The following LPIN2 variants were observed in gnomAD, a reference collection of about 807,000 sequenced individuals.
LPIN2 encodes the protein phosphatidate phosphatase LPIN2.
In LPIN2, 55 loss-of-function variants were observed where a neutral mutation model predicts 111.4. The observed-to-expected ratio is 0.49, with a 90% CI of 0.40 to 0.62. LPIN2 has a LOEUF of 0.62. LPIN2 is among the 20% of genes least tolerant of loss of function. LPIN2 has a pLI of 0.00. For synonymous variants in LPIN2, 425 were observed against 414.0 expected (o/e 1.03, Z -0.32); for missense variants, 992 against 1,112.1 (o/e 0.89, Z 1.54).
intron 2 of LPIN2, among the ~76,000 whole-genome samples, chr18:2,958,277 A>T (rs568886973): frequency 6.6e-6 from 1 of 151,774 alleles, no homozygotes; most frequent in African/African-American, 2.4e-5. Context: ...CTAAAAGTAA[A>T]CTCCTAAGTT....
intron 1 of LPIN2, among the ~76,000 whole-genome samples, chr18:2,970,346 CAG>C (rs1250086340): frequency 6.6e-5 from 10 of 152,192 alleles, no homozygotes; most frequent in Admixed American, 3.9e-4. Context: ...TGCTGGCTGA[CAG>C]GGGTGGGAAA....
At position 2,918,578 on chromosome 18, in the gene LPIN2, C is replaced by G. The variant is rs368259987; in HGVS notation, c.*1715G>C. The stretch of plus-strand genomic sequence containing the variant: ...AACTCATTAAACAATTAGTCCTTAT[C>G]AACTATTTAAGCTGGGGGAAGCTTT... On this transcript the variant is annotated 3_prime_UTR_variant, in exon 20 of 20. Coordinates refer to ENST00000677752, the MANE Select transcript of LPIN2 (RefSeq NM_001375808.2). 6.6e-6 allele frequency: 1 copy of G among 152,192 alleles called. No homozygotes were observed. 9.4% of individuals were successfully genotyped at this position (152,192 alleles called of 1,614,324 possible). A position where few individuals can be genotyped will look rare whatever the true frequency, so the allele number is the denominator to read the frequency against.
rs185198178 is a variant in LPIN2, at chr18:2,931,469, T to A, written c.1269-26A>T. On this transcript the variant is annotated intron_variant, in intron 8 of 19. Coordinates refer to ENST00000677752, the MANE Select transcript of LPIN2 (RefSeq NM_001375808.2). ...CTGTGGACAGGGGATGGGGAAAAGA[T>A]GTGCTTTATTACAACTCCTTGAATT... The A allele has an allele frequency of 6.4e-6, 10 of 1,551,854 alleles. No individual in the cohort carries two copies. In the African/African-American group the frequency reaches 9.5e-5, roughly 15 times the overall value.
At chr18:2,946,678 A>G (rs2077457177) in intron 4 of LPIN2, 5 of 628,854 alleles carry the variant, frequency 8.0e-6, no homozygotes, top group Middle Eastern at 2.6e-4. Flanking sequence ...CAAAATAAAT[A>G]GCCTGAATTA....
intron 1 of LPIN2, among the ~76,000 whole-genome samples, chr18:2,975,091 T>C (rs1423240161): frequency 6.6e-6 from 1 of 152,216 alleles, no homozygotes; most frequent in African/African-American, 2.4e-5. Flanking sequence ...AAATGTTATA[T>C]TCATTGTACT....
intron 9 of LPIN2, among the ~76,000 whole-genome samples, chr18:2,929,479 G>C (rs536081442): frequency 1.1e-4 from 17 of 152,174 alleles, no homozygotes; most frequent in South Asian, 8.3e-4. Context: ...AAGACAGACA[G>C]ACACACACAC....
intron 4 of LPIN2, among the ~76,000 whole-genome samples, chr18:2,944,924 A>C (rs2077426887): frequency 6.6e-6 from 1 of 152,206 alleles, no homozygotes. Context: ...CTGCTTGGCA[A>C]GTAATGTAAG....
chr18:2,995,986 CG>C (rs2078334725), intron 1 of LPIN2, among the ~76,000 whole-genome samples: 1 of 152,136 alleles, frequency 6.6e-6, no homozygotes. Flanking sequence ...ATGTGTATAA[CG>C]GAGGACAAAA....
At chr18:2,929,931 A>T (rs1598529936) in intron 9 of LPIN2, among the ~76,000 whole-genome samples, 1 of 152,114 alleles carries the variant, frequency 6.6e-6, no homozygotes, top group Admixed American at 6.6e-5. Context: ...ACAACAACAA[A>T]AATTACATGT....
At chr18:3,008,592 T>C (rs1348540327) in intron 1 of LPIN2, among the ~76,000 whole-genome samples, 1 of 152,230 alleles carries the variant, frequency 6.6e-6, no homozygotes, top group Non-Finnish European at 1.5e-5. Flanking sequence ...AGTTCCAACT[T>C]TAAAGTTTCC....
At chr18:3,010,451 C>G (rs189240909) in intron 1 of LPIN2, among the ~76,000 whole-genome samples, 9 of 152,120 alleles carry the variant, frequency 5.9e-5, no homozygotes, top group Admixed American at 3.9e-4. Flanking sequence ...TGGTAGGTCA[C>G]GAGACTCTGG....
At chr18:3,012,783 C>T (rs2078628996) in intron 1 of LPIN2, among the ~76,000 whole-genome samples, 1 of 151,940 alleles carries the variant, frequency 6.6e-6, no homozygotes, top group African/African-American at 2.4e-5. Flanking sequence ...TCAGAGTCCT[C>T]AGCAGCCACC....
intron 1 of LPIN2, among the ~76,000 whole-genome samples, chr18:2,962,240 C>G (rs553116531): frequency 7.9e-5 from 12 of 152,252 alleles, no homozygotes; most frequent in African/African-American, 2.6e-4. Context: ...ATAATTTTAC[C>G]CTGGAAGAAA....
At position 2,920,848 on chromosome 18, in the gene LPIN2, C is replaced by G; in HGVS notation, c.2476G>C (p.Asp826His). ...VYAYTQVGVP[D>H]CRIFTVNPKG... ...GGGTTCACGGTGAATATTCTACAGT[C>G]TGGAACTCCAACTTGTGTGTAGGCA... Residue 826 changes from aspartate (D) to histidine (H), a missense_variant, in exon 19 of 20, where the codon GAC (aspartate) becomes CAC (histidine). Transcript: ENST00000677752. 1 of 1,614,148 alleles carries G rather than the reference C, an allele frequency of 6.2e-7. No individual in the cohort carries two copies. The highest frequency in any genetic ancestry group is 8.5e-7 in the Non-Finnish European group (1 of 1,179,978).
chr18:3,002,991 T>C (rs918971954), intron 1 of LPIN2, among the ~76,000 whole-genome samples: 1 of 152,260 alleles, frequency 6.6e-6, no homozygotes, highest in Non-Finnish European at 1.5e-5. Flanking sequence ...AACACTGGCT[T>C]CTCTGGCCTA....
intron 4 of LPIN2, chr18:2,946,514 C>T (rs922644964): frequency 7.7e-6 from 12 of 1,564,516 alleles, no homozygotes; most frequent in African/African-American, 2.7e-5. Flanking sequence ...ACCGCAGCTC[C>T]GGTTGTAGCA....
rs1442383448 is a variant in LPIN2, at chr18:2,925,164, T to C, written c.1938+60A>G. The C allele has an allele frequency of 1.2e-6, 2 of 1,600,770 alleles. No individual in the cohort carries two copies. The highest frequency in any genetic ancestry group is 1.7e-6 in the Non-Finnish European group (2 of 1,168,684). On this transcript the variant is annotated intron_variant, in intron 14 of 19. Coordinates refer to ENST00000677752, the MANE Select transcript of LPIN2 (RefSeq NM_001375808.2). This position sits in a 1 kb window ranked among gnomAD's most constrained non-coding sequence, Gnocchi z 4.1. ...ACGTGTGGACAGAAGAGGATGTGCATCAAATTAAACCATTACTAAAATAAG... is the reference window on the plus strand; with the variant it reads ...ACGTGTGGACAGAAGAGGATGTGCACCAAATTAAACCATTACTAAAATAAG...
chr18:2,926,185 G>T (rs943215777), intron 13 of LPIN2, among the ~76,000 whole-genome samples: 4 of 152,186 alleles, frequency 2.6e-5, no homozygotes, highest in Non-Finnish European at 1.5e-5. Context: ...ATGGGGGGCG[G>T]TAAGGGGCAA....
intron 19 of LPIN2, 90 bp from the exon 20 acceptor site, chr18:2,920,527 T>A (rs1023217140): frequency 2.5e-5 from 36 of 1,446,114 alleles, no homozygotes; most frequent in Middle Eastern, 3.4e-4. Flanking sequence ...GTCACTCAGA[T>A]TGCTCAGGTG....
Sources: gnomAD v4.1 joint callset for allele counts (sites outside exome capture counted in the v4.1 genomes callset) on GRCh38, gnomAD v4.1.1 for gene constraint, Gnocchi (gnomAD v3.1) non-coding constraint, MANE v1.5 for transcripts, NCBI Gene and HGNC (gene_info 2026-07-23, HGNC 2026-07-21) for gene names.